TMEM132D: variants seen among roughly 807,000 people sequenced by gnomAD.
TMEM132D encodes the protein mature OL transmembrane protein.
A neutral mutation model predicts 62.3 loss-of-function variants in TMEM132D; 21 were observed. That is an observed-to-expected ratio of 0.34 (90% CI 0.24 to 0.49). The LOEUF (loss-of-function observed/expected upper bound fraction) is 0.49, where lower values mean the gene tolerates loss of function less well. Among genes scored for constraint, TMEM132D ranks in the 20% least tolerant of loss-of-function variants. The pLI is 0.99. For missense variants in TMEM132D, 1,346 were observed against 1,402.8 expected (o/e 0.96, Z 0.65); for synonymous variants, 621 against 575.6 (o/e 1.08, Z -1.13).
Position 129,103,056 on chromosome 12 carries a change from G to C in TMEM132D, c.1444-18354C>G, listed in dbSNP as rs116149899. 8.0e-3 allele frequency among the ~76,000 whole-genome samples: 1,212 copies of C among 152,270 alleles called. 19 individuals are homozygous for C. The highest frequency in any genetic ancestry group is 0.028 in the African/African-American group (1,159 of 41,560). On this transcript the variant is annotated intron_variant, in intron 5 of 8. Coordinates refer to ENST00000422113, the MANE Select transcript of TMEM132D (RefSeq NM_133448.3). ...ATCGTGGAAGGCAGTTATTGTCTCT[G>C]AGCTCCAAATCCACCCTTCCATGCT...
At chr12:129,616,389 A>G (rs1237303024) in intron 2 of TMEM132D, among the ~76,000 whole-genome samples, 1 of 152,082 alleles carries the variant, frequency 6.6e-6, no homozygotes, top group East Asian at 1.9e-4. Flanking sequence ...CTTCTTTTTC[A>G]TTGAGGGGCA....
At chr12:129,487,031 TGG>T (rs533544416) in intron 3 of TMEM132D, among the ~76,000 whole-genome samples, 2 of 70,488 alleles carry the variant, frequency 2.8e-5, no homozygotes, top group African/African-American at 8.4e-5. Flanking sequence ...TGTTTGCGTA[TGG>T]GGGGGGGGGT....
At chr12:129,595,482 C>T (rs765822382) in intron 2 of TMEM132D, among the ~76,000 whole-genome samples, 1 of 152,164 alleles carries the variant, frequency 6.6e-6, no homozygotes, top group African/African-American at 2.4e-5. Context: ...CTCTCAGTAC[C>T]CACAACCCTT....
intron 1 of TMEM132D, among the ~76,000 whole-genome samples, chr12:129,719,179 A>G (rs1293637953): frequency 6.6e-6 from 1 of 151,988 alleles, no homozygotes; most frequent in Admixed American, 6.6e-5. Flanking sequence ...GAATCACTTG[A>G]GCCCAGGAGG....
At chr12:129,601,509 T>C (rs1878481651) in intron 2 of TMEM132D, among the ~76,000 whole-genome samples, 1 of 152,222 alleles carries the variant, frequency 6.6e-6, no homozygotes, top group Non-Finnish European at 1.5e-5. Context: ...GTCTCCACTT[T>C]CAACATGCCT....
At chr12:129,271,163 T>A (rs1360667400) in intron 4 of TMEM132D, among the ~76,000 whole-genome samples, 1 of 152,138 alleles carries the variant, frequency 6.6e-6, no homozygotes, top group Non-Finnish European at 1.5e-5. Flanking sequence ...TCAGGCCATG[T>A]TTTGCTGGGA....
intron 1 of TMEM132D, among the ~76,000 whole-genome samples, chr12:129,849,935 G>A (rs1873488012): frequency 6.6e-6 from 1 of 152,180 alleles, no homozygotes; most frequent in South Asian, 2.1e-4. Flanking sequence ...CAGCCTGCCT[G>A]TCTTGTCAAA....
chr12:129,311,112 G>A (rs1420745610), intron 4 of TMEM132D, among the ~76,000 whole-genome samples: 2 of 127,240 alleles, frequency 1.6e-5, no homozygotes, highest in Non-Finnish European at 3.1e-5. Flanking sequence ...GCAGGAGAAT[G>A]GCGTGAACCC....
At chr12:129,692,057 C>CT (rs1565950660) in intron 2 of TMEM132D, among the ~76,000 whole-genome samples, 1 of 152,048 alleles carries the variant, frequency 6.6e-6, no homozygotes, top group African/African-American at 2.4e-5. Context: ...TCTACACACT[C>CT]TCTCCGAGCA....
At chr12:129,493,466 C>T (rs531988930) in intron 3 of TMEM132D, among the ~76,000 whole-genome samples, 2 of 152,306 alleles carry the variant, frequency 1.3e-5, no homozygotes, top group East Asian at 1.9e-4. Context: ...ACCTCATTTC[C>T]TAATTGTCTT....
chr12:129,232,443 G>C (rs1302223223), intron 4 of TMEM132D, among the ~76,000 whole-genome samples: 1 of 152,204 alleles, frequency 6.6e-6, no homozygotes, highest in African/African-American at 2.4e-5. Context: ...ACTCTGCACA[G>C]AGCTGAGGTC....
At chr12:129,225,869 C>A (rs1245445653) in intron 4 of TMEM132D, among the ~76,000 whole-genome samples, 1 of 152,176 alleles carries the variant, frequency 6.6e-6, no homozygotes, top group Non-Finnish European at 1.5e-5. Context: ...TGGCCCCCAG[C>A]CCCCACAGCC....
intron 3 of TMEM132D, among the ~76,000 whole-genome samples, chr12:129,413,993 C>T (rs551154056): frequency 6.6e-6 from 1 of 152,328 alleles, no homozygotes; most frequent in Admixed American, 6.5e-5. Flanking sequence ...CGACACAAAT[C>T]TATGAGTGCA....
chr12:129,245,124 T>C (rs947925357), intron 4 of TMEM132D, among the ~76,000 whole-genome samples: 2 of 152,232 alleles, frequency 1.3e-5, no homozygotes, highest in Non-Finnish European at 2.9e-5. Context: ...TATAGTTCTA[T>C]ATACACAAAG....
chr12:129,193,895 G>C (rs186271716), intron 5 of TMEM132D, among the ~76,000 whole-genome samples: 31 of 152,316 alleles, frequency 2.0e-4, no homozygotes, highest in Admixed American at 1.0e-3. Flanking sequence ...TTTTACCTAA[G>C]AGTTAAAGTC....
intron 5 of TMEM132D, among the ~76,000 whole-genome samples, chr12:129,186,767 G>A (rs1421512887): frequency 6.6e-6 from 1 of 152,188 alleles, no homozygotes; most frequent in Non-Finnish European, 1.5e-5. Flanking sequence ...AGGAGATTTA[G>A]CATTGTAATC....
At chr12:129,294,425 A>G (rs1266116839) in intron 4 of TMEM132D, among the ~76,000 whole-genome samples, 3 of 152,216 alleles carry the variant, frequency 2.0e-5, no homozygotes, top group Non-Finnish European at 4.4e-5. Context: ...TCTCACCATC[A>G]TATATGAATC....
intron 1 of TMEM132D, among the ~76,000 whole-genome samples, chr12:129,831,320 G>C (rs969049795): frequency 1.3e-5 from 2 of 152,230 alleles, no homozygotes; most frequent in Non-Finnish European, 2.9e-5. Flanking sequence ...AGGGTAGACA[G>C]CCATTGTCCC....
chr12:129,328,604 GA>G (rs1260106168), intron 4 of TMEM132D, among the ~76,000 whole-genome samples: 1 of 152,218 alleles, frequency 6.6e-6, no homozygotes, highest in African/African-American at 2.4e-5. Context: ...GGGCTGAAAA[GA>G]AAAGGCAGTG....
Sources: allele counts gnomAD v4.1 joint callset (sites outside exome capture counted in the v4.1 genomes callset), GRCh38; gene constraint gnomAD v4.1.1; transcripts MANE v1.5; gene names NCBI Gene and HGNC (gene_info 2026-07-23, HGNC 2026-07-21).